ETS2: variants seen among roughly 807,000 people sequenced by gnomAD.
ETS2 encodes ETS proto-oncogene 2, transcription factor, also known as protein C-ets-2.
Under a neutral mutation model 54.9 loss-of-function variants are expected in ETS2, and 19 were observed. That is an observed-to-expected ratio of 0.35 (90% CI 0.24 to 0.51). ETS2 has a LOEUF of 0.51. ETS2 is among the 20% of genes least tolerant of loss of function. The pLI is 0.97. For synonymous variants in ETS2, 219 were observed against 229.3 expected, an observed-to-expected ratio of 0.95 and a Z score of 0.41; for missense variants, 417 against 593.0, an observed-to-expected ratio of 0.70 and a Z score of 3.08.
chr21:38,809,995 A>C, intron 1 of ETS2, 40 bp from the exon 2 acceptor site: 1 of 1,374,784 alleles, frequency 7.3e-7, no homozygotes. Context: ...TAGTGTACTT[A>C]ATCTTTTGCC....
At chr21:38,809,628 A>G (rs2060906346) in intron 1 of ETS2, 1 of 175,070 alleles carries the variant, frequency 5.7e-6, no homozygotes, top group Non-Finnish European at 1.2e-5. Flanking sequence ...CAGAGCAGAC[A>G]GGAGGCGGCC....
chr21:38,815,949 A>G (rs1225795690), intron 5 of ETS2, among the ~76,000 whole-genome samples: 2 of 14 alleles, frequency 0.14, no homozygotes, highest in Non-Finnish European at 0.2. Flanking sequence ...GAAGGAAGGA[A>G]GGAAGGAAGG....
rs1345583720 is a variant in ETS2 at position 38,813,332 on chromosome 21, G to A, written c.184+218G>A. Among the ~76,000 whole-genome samples, 4 of 152,174 alleles carry A rather than the reference G, an allele frequency of 2.6e-5. No individual in the cohort carries two copies. In the East Asian group the frequency reaches 7.7e-4, roughly 29 times the overall value. ...TCTTGAGTGCCAGACGCCCCCCAGT[G>A]AGCCGCTGTTAGGAAACTGCAGGGG... On this transcript the variant is annotated intron_variant, in intron 3 of 9. Transcript: ENST00000360938.
rs77896035 is a variant in ETS2, at chr21:38,812,642, G to A, written c.73-361G>A. On this transcript the variant is annotated intron_variant, in intron 2 of 9. Transcript: ENST00000360938. ...CTAAAAATGCAAAAATTATCCAGGC[G>A]TGGTGGTGGGCGCCTGTAGTCCCAG... Among the ~76,000 whole-genome samples the A allele has an allele frequency of 2.5e-3, 382 of 152,292 alleles. 1 individual carries two copies. Among genetic ancestry groups the A allele is most frequent in the African/African-American group, 8.4e-3 (351 of 41,556 alleles).
rs1462550416 is a variant in ETS2 at position 38,824,876 on chromosome 21, G to A, written c.*1987G>A. On this transcript the variant is annotated 3_prime_UTR_variant, in exon 10 of 10. Coordinates refer to ENST00000360938, the MANE Select transcript of ETS2 (RefSeq NM_005239.6). ...ACAGTCCTTATAAACCATTGGCATGGTAATAAACAGATCTTAAGTATAAAA... is the reference window on the plus strand; with the variant it reads ...ACAGTCCTTATAAACCATTGGCATGATAATAAACAGATCTTAAGTATAAAA... 2 of 152,586 alleles carry A rather than the reference G, an allele frequency of 1.3e-5. No homozygotes were observed. The highest frequency in any genetic ancestry group is 2.9e-5 in the Non-Finnish European group (2 of 68,032). 9.5% of individuals were successfully genotyped at this position (152,586 alleles called of 1,614,324 possible). A position where few individuals can be genotyped will look rare whatever the true frequency, so the allele number is the denominator to read the frequency against.
chr21:38,812,945 A>G, intron 2 of ETS2, 58 bp from the exon 3 acceptor site: 2 of 1,211,220 alleles, frequency 1.7e-6, no homozygotes, highest in Middle Eastern at 1.9e-4. Context: ...CTTTTACAAC[A>G]GGTAATTCAA....
At chr21:38,813,861 C>G (rs1033805034) in intron 3 of ETS2, among the ~76,000 whole-genome samples, 2 of 152,208 alleles carry the variant, frequency 1.3e-5, no homozygotes, top group Admixed American at 6.5e-5. Context: ...AAGTGCGGCA[C>G]ATTCATATCA....
At chr21:38,805,403 C>CA (rs1252406760), upstream of ETS2, 80 of 1,288,668 alleles carry the variant, frequency 6.2e-5, no homozygotes, top group Non-Finnish European at 7.7e-5. The surrounding 1 kb of genome is among the most constrained non-coding windows in gnomAD (Gnocchi z 5.2). Flanking sequence ...CCTTCGGTGC[C>CA]ACCAGCACCA....
At chr21:38,810,988 C>T (rs778126603) in intron 2 of ETS2, among the ~76,000 whole-genome samples, 3 of 152,162 alleles carry the variant, frequency 2.0e-5, no homozygotes, top group Middle Eastern at 6.8e-3. Context: ...TTGATTTGGC[C>T]GGACATTTTA....
chr21:38,809,116 T>C (rs781289407), intron 1 of ETS2, among the ~76,000 whole-genome samples: 10 of 152,254 alleles, frequency 6.6e-5, no homozygotes, highest in Non-Finnish European at 1.2e-4. Context: ...CCGGTGAAAT[T>C]GATTTCAGTG....
At chr21:38,811,499 T>G (rs1206924779) in intron 2 of ETS2, among the ~76,000 whole-genome samples, 1 of 152,244 alleles carries the variant, frequency 6.6e-6, no homozygotes, top group Non-Finnish European at 1.5e-5. Context: ...TTTGTAAATG[T>G]GTTACACATT....
intron 7 of ETS2, 132 bp from the exon 8 acceptor site, chr21:38,819,371 T>C: frequency 1.3e-6 from 1 of 741,166 alleles, no homozygotes; most frequent in Non-Finnish European, 2.3e-6. Flanking sequence ...TAGAGAGCAT[T>C]TTGAGAAGTC....
intron 8 of ETS2, among the ~76,000 whole-genome samples, chr21:38,820,320 C>T (rs906320528): frequency 1.3e-5 from 2 of 152,048 alleles, no homozygotes; most frequent in African/African-American, 2.4e-5. Context: ...TCCTTAAATG[C>T]GTTTTTGTTT....
chr21:38,818,330 G>A, intron 6 of ETS2, 95 bp from the exon 7 acceptor site: 1 of 1,553,136 alleles, frequency 6.4e-7, no homozygotes, highest in African/African-American at 1.4e-5. Flanking sequence ...GAGGGCTGGA[G>A]TGTGCGGAGT....
chr21:38,810,526 A>G (rs1228205754), intron 2 of ETS2, among the ~76,000 whole-genome samples: 1 of 152,236 alleles, frequency 6.6e-6, no homozygotes, highest in Non-Finnish European at 1.5e-5. Context: ...CCTATCAGAA[A>G]GGGCAGCGCC....
At chr21:38,808,862 A>T (rs1040256206) in intron 1 of ETS2, among the ~76,000 whole-genome samples, 5 of 152,248 alleles carry the variant, frequency 3.3e-5, no homozygotes, top group Admixed American at 1.3e-4. Flanking sequence ...ACCAGCCTTC[A>T]GTTCCATAGC....
chr21:38,808,617 T>TGTGTG, intron 1 of ETS2, among the ~76,000 whole-genome samples: 1 of 86,186 alleles, frequency 1.2e-5, no homozygotes, highest in African/African-American at 4.2e-5. Flanking sequence ...TGTGTGTGTG[T>TGTGTG]TGGGTGTGTG....
At chr21:38,807,521 C>T (rs1176680969) in intron 1 of ETS2, among the ~76,000 whole-genome samples, 1 of 151,482 alleles carries the variant, frequency 6.6e-6, no homozygotes, top group Non-Finnish European at 1.5e-5. Context: ...TCTAACAAGC[C>T]CTGTTGAGTA....
At chr21:38,805,412 C>CA, upstream of ETS2, 1 of 1,288,768 alleles carries the variant, frequency 7.8e-7, no homozygotes. This position sits in a 1 kb window ranked among gnomAD's most constrained non-coding sequence, Gnocchi z 5.2. Flanking sequence ...CCACCAGCAC[C>CA]ACTGCTCCGT....
Sources: allele counts gnomAD v4.1 joint callset (sites outside exome capture counted in the v4.1 genomes callset), GRCh38; gene constraint gnomAD v4.1.1; non-coding constraint Gnocchi (gnomAD v3.1); transcripts MANE v1.5; gene names NCBI Gene and HGNC (gene_info 2026-07-23, HGNC 2026-07-21).